Variants in FOXA3 observed in about 807,000 individuals in gnomAD.
FOXA3 encodes the protein hepatocyte nuclear factor 3-gamma.
Under a neutral mutation model 16.9 loss-of-function variants are expected in FOXA3, and 11 were observed. That is an observed-to-expected ratio of 0.65 (90% confidence interval 0.41 to 1.08). The LOEUF is 1.08. Among genes scored for constraint, FOXA3 ranks in the 50% least tolerant of loss-of-function variants. The pLI is 0.00. For missense variants in FOXA3, 423 were observed against 470.1 expected (o/e 0.90, Z 0.93); for synonymous variants, 217 against 203.3 (o/e 1.07, Z -0.57).
Position 45,872,627 on chromosome 19 carries a change from C to T in FOXA3, c.622C>T (p.Arg208Cys), listed in dbSNP as rs1966919657. The change falls in exon 2 of 2, where the codon CGC (arginine) becomes TGC (cysteine). Residue 208 changes from arginine (R) to cysteine (C), a missense_variant. Around this residue, in one of 3 missense-constraint regions of FOXA3, gnomAD observed 85 missense variants for 136.9 expected, o/e 0.62. Transcript: ENST00000302177. This position sits in a 1 kb window ranked among gnomAD's most constrained non-coding sequence, Gnocchi z 4.5. ...CATGTTTGAGAATGGCTGCTACCTG[C>T]GCCGCCAGAAACGCTTCAAGCTGGA... ...GNMFENGCYL[R>C]RQKRFKLEEK... 7 of 1,613,956 alleles carry T rather than the reference C, an allele frequency of 4.3e-6. No homozygotes were observed. The highest frequency in any genetic ancestry group is 5.9e-6 in the Non-Finnish European group (7 of 1,179,912).
At position 45,872,106 on chromosome 19, in the gene FOXA3, T is replaced by C. The variant is rs566369055; in HGVS notation, c.101T>C (p.Met34Thr). 2.9e-5 allele frequency: 47 copies of C among 1,608,410 alleles called. No individual in the cohort carries two copies. In the African/African-American group the frequency reaches 3.5e-4, roughly 12 times the overall value. The change falls in exon 2 of 2, where the codon ATG becomes ACG. Residue 34 changes from methionine (M) to threonine (T), a missense_variant. Met to Thr is a moderately conservative substitution (Grantham distance 81). Around this residue, in one of 3 missense-constraint regions of FOXA3, gnomAD observed 170 missense variants for 153.9 expected, o/e 1.10. Coordinates refer to ENST00000302177, the MANE Select transcript of FOXA3 (RefSeq NM_004497.3). This position sits in a 1 kb window ranked among gnomAD's most constrained non-coding sequence, Gnocchi z 4.5. ...VYSPVTPVPT[M>T]APLNSYMTLN... ...TCGCCGGTGACCCCAGTGCCCACCATGGCCCCCCTCAACTCCTACATGACC... is the reference window on the plus strand; with the variant it reads ...TCGCCGGTGACCCCAGTGCCCACCACGGCCCCCCTCAACTCCTACATGACC...
rs1966913749 is a variant in FOXA3 at position 45,872,221 on chromosome 19, C to T, written c.216C>T (p.Ala72=). Reference sequence around the variant, plus strand: ...CCCTGGCACCCCCAGCACCTGCAGCCCCCCTGGGGCCCACTTTCCCAGGCC... The same window carrying T: ...CCCTGGCACCCCCAGCACCTGCAGCTCCCCTGGGGCCCACTTTCCCAGGCC... ...SGPLAPPAPA[A]PLGPTFPGLG... is the part of the protein sequence containing the mutation. Residue 72 remains alanine (A), a synonymous_variant, in exon 2 of 2, where the codon GCC becomes GCT. Coordinates refer to ENST00000302177, the MANE Select transcript of FOXA3 (RefSeq NM_004497.3). The surrounding 1 kb of genome is among the most constrained non-coding windows in gnomAD (Gnocchi z 4.5). 6.2e-7 allele frequency: 1 copy of T among 1,603,316 alleles called. No individual in the cohort carries two copies. Among genetic ancestry groups the T allele is most frequent in the African/African-American group, 1.3e-5 (1 of 74,742 alleles).
In FOXA3 at chr19:45,873,072, CA is replaced by C. The variant is rs1568635149; in HGVS notation, c.*15del. On this transcript the variant is annotated 3_prime_UTR_variant, in exon 2 of 2. Transcript: ENST00000302177. ...AATGCATCCTAGCAGGGGTTGGGAA[CA>C]TGGTGGTGGGTATGGCTGGAGCTCA... The C allele has an allele frequency of 6.3e-7, 1 of 1,575,364 alleles. No homozygotes were observed.
At chr19:45,866,631 A>G (rs911478182) in intron 1 of FOXA3, among the ~76,000 whole-genome samples, 6 of 152,044 alleles carry the variant, frequency 3.9e-5, no homozygotes, top group African/African-American at 1.4e-4. Flanking sequence ...GGGTCCCCAA[A>G]CCACTTCTTG....
chr19:45,869,629 G>A (rs906277910), intron 1 of FOXA3, among the ~76,000 whole-genome samples: 1 of 152,062 alleles, frequency 6.6e-6, no homozygotes, highest in African/African-American at 2.4e-5. Flanking sequence ...TTAACTGAGT[G>A]TTTTTCCCAT....
chr19:45,869,650 A>G (rs1359010636), intron 1 of FOXA3, among the ~76,000 whole-genome samples: 1 of 152,234 alleles, frequency 6.6e-6, no homozygotes, highest in Non-Finnish European at 1.5e-5. Context: ...TTGTATTAAT[A>G]TATAAAGTAA....
intron 1 of FOXA3, among the ~76,000 whole-genome samples, chr19:45,864,863 T>A (rs1040487612): frequency 2.0e-5 from 3 of 151,818 alleles, no homozygotes; most frequent in Non-Finnish European, 4.4e-5. Flanking sequence ...GGAATCAGAG[T>A]TCCAGGGTAG....
At chr19:45,871,426 G>C (rs1209738820) in intron 1 of FOXA3, among the ~76,000 whole-genome samples, 1 of 151,896 alleles carries the variant, frequency 6.6e-6, no homozygotes, top group Non-Finnish European at 1.5e-5. Flanking sequence ...GAGTGAAAAG[G>C]GCTAATAATA....
At position 45,872,868 on chromosome 19, in the gene FOXA3, TC is replaced by T. The variant is rs1568634995; in HGVS notation, c.866del (p.Pro289GlnfsTer4). 2 of 1,613,894 alleles carry T rather than the reference TC, an allele frequency of 1.2e-6. No homozygotes were observed. On this transcript the variant is annotated frameshift_variant, in exon 2 of 2. Transcript: ENST00000302177. LOFTEE classifies it high-confidence loss of function. The surrounding 1 kb of genome is among the most constrained non-coding windows in gnomAD (Gnocchi z 4.5). ...ACACCCTATTTCACTGGCCTGGAGC[TC>T]CCAGGGGAGCTGAAGCTGGACGCGC... ...SSTPYFTGLE[L>X]PGELKLDAPY...
chr19:45,872,867 C>T lies in FOXA3; in HGVS notation c.862C>T (p.Leu288Phe), dbSNP rs1292792416. 1 of 1,613,976 alleles carries T rather than the reference C, an allele frequency of 6.2e-7. No homozygotes were observed. Among genetic ancestry groups the T allele is most frequent in the Non-Finnish European group, 8.5e-7 (1 of 1,180,020 alleles). ...CACACCCTATTTCACTGGCCTGGAG[C>T]TCCCAGGGGAGCTGAAGCTGGACGC... ...SSTPYFTGLELPGELKLDAPY... is the reference protein window; with the variant it reads ...SSTPYFTGLEFPGELKLDAPY... The change falls in exon 2 of 2, where the codon CTC becomes TTC. Residue 288 changes from leucine (L) to phenylalanine (F), a missense_variant. Physicochemically the swap from Leu to Phe is conservative, Grantham distance 22. Coordinates refer to ENST00000302177, the MANE Select transcript of FOXA3 (RefSeq NM_004497.3). This position sits in a 1 kb window ranked among gnomAD's most constrained non-coding sequence, Gnocchi z 4.5.
intron 1 of FOXA3, among the ~76,000 whole-genome samples, chr19:45,870,689 C>T (rs1389303509): frequency 6.6e-6 from 1 of 151,392 alleles, no homozygotes; most frequent in African/African-American, 2.4e-5. Context: ...CCTGCCTCAA[C>T]CTCCCGAGTA....
At position 45,873,083 on chromosome 19, in the gene FOXA3, G is replaced by A. The variant is rs749214597; in HGVS notation, c.*25G>A. On this transcript the variant is annotated 3_prime_UTR_variant, in exon 2 of 2. Coordinates refer to ENST00000302177, the MANE Select transcript of FOXA3 (RefSeq NM_004497.3). ...GCAGGGGTTGGGAACATGGTGGTGG[G>A]TATGGCTGGAGCTCACACCACGAAG... The A allele has an allele frequency of 3.8e-6, 6 of 1,566,842 alleles. 1 individual carries two copies. The South Asian group carries it at 5.8e-5, about 15-fold the overall frequency.
chr19:45,869,126 C>G (rs1362313583), intron 1 of FOXA3, among the ~76,000 whole-genome samples: 9 of 152,042 alleles, frequency 5.9e-5, no homozygotes, highest in Non-Finnish European at 1.0e-4. Flanking sequence ...GGGGTTTCTC[C>G]CTGTTGGTCA....
intron 1 of FOXA3, among the ~76,000 whole-genome samples, chr19:45,866,670 G>A (rs367688199): frequency 1.3e-5 from 2 of 152,158 alleles, no homozygotes; most frequent in African/African-American, 2.4e-5. Flanking sequence ...TTGGGGTGAC[G>A]TTAACACTCA....
chr19:45,871,603 A>G (rs1966905549), intron 1 of FOXA3, among the ~76,000 whole-genome samples: 1 of 149,852 alleles, frequency 6.7e-6, no homozygotes, highest in Non-Finnish European at 1.5e-5. Flanking sequence ...GCGTGGTGGC[A>G]CACACCTGTA....
chr19:45,872,739 C>T lies in FOXA3; in HGVS notation c.734C>T (p.Ala245Val). Residue 245 changes from alanine (A) to valine (V), a missense_variant, in exon 2 of 2, where the codon GCC (alanine) becomes GTC (valine). Physicochemically the swap from Ala to Val is moderately conservative, Grantham distance 64. Around this residue, in one of 3 missense-constraint regions of FOXA3, gnomAD observed 168 missense variants for 179.3 expected, o/e 0.94. Transcript: ENST00000302177. The surrounding 1 kb of genome is among the most constrained non-coding windows in gnomAD (Gnocchi z 4.5). ...GSAASTTTPA[A>V]TVTSPPQPPP... ...GCTGCCTCGACCACCACCCCCGCGG[C>T]CACAGTCACCTCCCCGCCCCAGCCC... 6.2e-7 allele frequency: 1 copy of T among 1,603,180 alleles called. No individual in the cohort carries two copies.
Position 45,873,109 on chromosome 19 carries a change from C to T in FOXA3, c.*51C>T. The stretch of plus-strand genomic sequence containing the variant: ...TATGGCTGGAGCTCACACCACGAAG[C>T]TCTTGGGGCCTGATCCTTCTGGTGA... On this transcript the variant is annotated 3_prime_UTR_variant, in exon 2 of 2. Transcript: ENST00000302177. 3.2e-6 allele frequency: 5 copies of T among 1,553,772 alleles called. No homozygotes were observed. Among genetic ancestry groups the T allele is most frequent in the African/African-American group, 1.4e-5 (1 of 73,400 alleles).
rs964387451 is a variant in FOXA3, at chr19:45,872,240, C to A, written c.235C>A (p.Pro79Thr). The A allele has an allele frequency of 8.7e-6, 14 of 1,607,882 alleles. No individual in the cohort carries two copies. Among genetic ancestry groups the A allele is most frequent in the Admixed American group, 1.7e-5 (1 of 59,722 alleles). The stretch of plus-strand genomic sequence containing the variant: ...TGCAGCCCCCCTGGGGCCCACTTTC[C>A]CAGGCCTGGGTGTCAGCGGTGGCAG... ...APAAPLGPTF[P>T]GLGVSGGSSS... Residue 79 changes from proline (P) to threonine (T), a missense_variant, in exon 2 of 2, where the codon CCA becomes ACA. Transcript: ENST00000302177. The surrounding 1 kb of genome is among the most constrained non-coding windows in gnomAD (Gnocchi z 4.5).
chr19:45,871,944 A>G (rs1469646630), intron 1 of FOXA3, 131 bp from the exon 2 acceptor site: 1 of 888,250 alleles, frequency 1.1e-6, no homozygotes, highest in African/African-American at 1.7e-5. Context: ...TTCTACAGAT[A>G]GAGGTAATGA....
Sources: gnomAD v4.1 joint callset for allele counts (sites outside exome capture counted in the v4.1 genomes callset) on GRCh38, gnomAD v4.1.1 for gene constraint, gnomAD v4.1.1 regional missense constraint, Gnocchi (gnomAD v3.1) non-coding constraint, MANE v1.5 for transcripts, NCBI Gene and HGNC (gene_info 2026-07-23, HGNC 2026-07-21) for gene names.